Variants in RABGAP1L observed in about 807,000 individuals in gnomAD.
RABGAP1L encodes RAB GTPase activating protein 1 like.
In RABGAP1L, 63 loss-of-function variants were observed where a neutral mutation model predicts 137.7. The ratio of observed to expected loss-of-function variants is 0.46; its 90% CI spans 0.37 to 0.56. RABGAP1L has a LOEUF of 0.56. Ranked by LOEUF, RABGAP1L falls within the 20% of genes least tolerant of loss-of-function variation. The pLI, the probability that RABGAP1L is intolerant of heterozygous loss-of-function variation, is 0.00. For missense variants in RABGAP1L, 1,095 were observed against 1,244.0 expected, an observed-to-expected ratio of 0.88 and a Z score of 1.80; for synonymous variants, 431 against 433.7, an observed-to-expected ratio of 0.99 and a Z score of 0.08.
intron 12 of RABGAP1L, among the ~76,000 whole-genome samples, chr1:174,371,287 A>G (rs1445938462): frequency 1.3e-5 from 2 of 151,972 alleles, no homozygotes; most frequent in African/African-American, 4.8e-5. Flanking sequence ...GTTTTATTTA[A>G]CTTGCTTTTA....
At chr1:174,351,553 C>A (rs550919866) in intron 11 of RABGAP1L, among the ~76,000 whole-genome samples, 1 of 152,178 alleles carries the variant, frequency 6.6e-6, no homozygotes. Flanking sequence ...ATTGCAGCTC[C>A]ATTGTATGTT....
At chr1:174,749,455 A>G (rs1684164716) in intron 17 of RABGAP1L, among the ~76,000 whole-genome samples, 1 of 151,690 alleles carries the variant, frequency 6.6e-6, no homozygotes, top group Non-Finnish European at 1.5e-5. Flanking sequence ...TCAGCCTCCC[A>G]TGAAGCTGGG....
chr1:174,229,297 G>C (rs1670439576), intron 3 of RABGAP1L, among the ~76,000 whole-genome samples: 2 of 152,180 alleles, frequency 1.3e-5, no homozygotes, highest in Admixed American at 1.3e-4. Flanking sequence ...TTACAGTCAA[G>C]ATAAACTTTT....
chr1:174,646,864 G>T (rs146141163), intron 14 of RABGAP1L, among the ~76,000 whole-genome samples: 2,331 of 152,182 alleles, frequency 0.015, 30 homozygotes, highest in Non-Finnish European at 0.023. Flanking sequence ...TTTTCCATTT[G>T]TTTGTGTCCT....
chr1:174,497,936 CT>C (rs770164625), intron 13 of RABGAP1L, among the ~76,000 whole-genome samples: 10 of 152,198 alleles, frequency 6.6e-5, no homozygotes, highest in Non-Finnish European at 1.3e-4. Flanking sequence ...ATTTTACTGA[CT>C]GATTTTATCT....
intron 13 of RABGAP1L, among the ~76,000 whole-genome samples, chr1:174,609,760 T>G (rs936997657): frequency 6.6e-6 from 1 of 152,204 alleles, no homozygotes; most frequent in Admixed American, 6.5e-5. Flanking sequence ...AATTATGTAA[T>G]TCATCTGTCA....
At chr1:174,460,089 C>T (rs948585489) in intron 13 of RABGAP1L, among the ~76,000 whole-genome samples, 5 of 151,974 alleles carry the variant, frequency 3.3e-5, no homozygotes, top group Non-Finnish European at 5.9e-5. Context: ...ATTGTTTCCA[C>T]GTTTTTATAT....
chr1:174,656,070 A>C lies in RABGAP1L; in HGVS notation c.1824+18582A>C, dbSNP rs1244185776. On this transcript the variant is annotated intron_variant, in intron 14 of 25. Transcript: ENST00000681986. ...ATAGAACTAAGGAATCTATATGTAT[A>C]TACATATATGCATGTGTGTGTGCAT... Among the ~76,000 whole-genome samples the C allele has an allele frequency of 3.3e-5, 5 of 152,220 alleles. No homozygotes were observed. In the East Asian group the frequency reaches 9.6e-4, roughly 29 times the overall value.
In RABGAP1L at chr1:174,231,154, C is replaced by T; in HGVS notation, c.341C>T (p.Thr114Ile). ...TTTTTTGTTTCTTCAGAAATTTCTACACCCAGACCATCTTCTCCAGGTGGA... is the reference window on the plus strand; with the variant it reads ...TTTTTTGTTTCTTCAGAAATTTCTATACCCAGACCATCTTCTCCAGGTGGA... ...ILDPSNTEIS[T>I]PRPSSPGGLP... Residue 114 changes from threonine to isoleucine, a missense_variant, in exon 4 of 26, where the codon ACA (threonine) becomes ATA (isoleucine). This residue lies in a region of RABGAP1L where 356 missense variants were observed against 326.3 expected (regional missense o/e 1.09). Coordinates refer to ENST00000681986, the MANE Select transcript of RABGAP1L (RefSeq NM_001366446.1). 1 of 1,607,320 alleles carries T rather than the reference C, an allele frequency of 6.2e-7. No individual in the cohort carries two copies. Among genetic ancestry groups the T allele is most frequent in the Non-Finnish European group, 8.5e-7 (1 of 1,175,532 alleles).
intron 15 of RABGAP1L, among the ~76,000 whole-genome samples, chr1:174,686,025 T>C (rs920278445): frequency 6.6e-6 from 1 of 151,986 alleles, no homozygotes; most frequent in Non-Finnish European, 1.5e-5. Context: ...ATGAATAGAG[T>C]AAGAAGATTA....
intron 2 of RABGAP1L, among the ~76,000 whole-genome samples, chr1:174,220,393 G>A (rs1239039570): frequency 5.3e-5 from 8 of 152,146 alleles, no homozygotes; most frequent in Non-Finnish European, 1.0e-4. Flanking sequence ...AGGGCCAGGC[G>A]TGGTGGCTCA....
intron 13 of RABGAP1L, among the ~76,000 whole-genome samples, chr1:174,628,986 C>G (rs1028423166): frequency 6.6e-6 from 1 of 152,122 alleles, no homozygotes; most frequent in Admixed American, 6.5e-5. Context: ...AATTATTGAG[C>G]CTCTTTTTGT....
intron 17 of RABGAP1L, among the ~76,000 whole-genome samples, chr1:174,720,290 T>TAGATAGAG (rs368112419): frequency 7.1e-6 from 1 of 141,678 alleles, no homozygotes; most frequent in African/African-American, 2.8e-5. Context: ...GATAGATAGA[T>TAGATAGAG]AGACAGACAG....
intron 19 of RABGAP1L, among the ~76,000 whole-genome samples, chr1:174,863,455 CG>C: frequency 6.8e-6 from 1 of 146,822 alleles, no homozygotes; most frequent in Non-Finnish European, 1.5e-5. Context: ...GGGTGGATCA[CG>C]AGGTCAGGAG....
Position 174,636,527 on chromosome 1 carries a change from C to CA in RABGAP1L, c.1711-832dup, listed in dbSNP as rs11348226. Among the ~76,000 whole-genome samples, 1,012 of 135,278 alleles carry CA rather than the reference C, an allele frequency of 7.5e-3. 6 individuals are homozygous for CA. The highest frequency in any genetic ancestry group is 0.018 in the South Asian group (75 of 4,188). 88.7% of individuals were successfully genotyped at this position (135,278 alleles called of 152,430 possible). ...CGGGCAACAGTGTGAGACTCTACTT[C>CA]AAAAAAAAAAAAAAAAGAGATCATC... On this transcript the variant is annotated intron_variant, in intron 13 of 25. Coordinates refer to ENST00000681986, the MANE Select transcript of RABGAP1L (RefSeq NM_001366446.1).
chr1:174,619,256 C>CA (rs1672210419), intron 13 of RABGAP1L, among the ~76,000 whole-genome samples: 2 of 152,130 alleles, frequency 1.3e-5, no homozygotes, highest in Admixed American at 6.5e-5. Context: ...TCTAGCAAGG[C>CA]AGGCAACATT....
At chr1:174,864,508 G>A (rs1434028453) in intron 19 of RABGAP1L, among the ~76,000 whole-genome samples, 1 of 152,100 alleles carries the variant, frequency 6.6e-6, no homozygotes, top group African/African-American at 2.4e-5. Flanking sequence ...TTCTTCACAT[G>A]GTGGCAGGAA....
intron 13 of RABGAP1L, among the ~76,000 whole-genome samples, chr1:174,612,525 G>C (rs374074628): frequency 2.0e-5 from 3 of 152,002 alleles, no homozygotes; most frequent in African/African-American, 2.4e-5. Flanking sequence ...CTCTTTTTTG[G>C]TTGTGTCTCT....
chr1:174,718,837 CTTTTTT>C (rs11337437), intron 17 of RABGAP1L, among the ~76,000 whole-genome samples: 1 of 106,418 alleles, frequency 9.4e-6, no homozygotes. Context: ...TTTTCTTTTC[CTTTTTT>C]TTTTTTTTTT....
Sources: gnomAD v4.1 joint callset for allele counts (sites outside exome capture counted in the v4.1 genomes callset) on GRCh38, gnomAD v4.1.1 for gene constraint, gnomAD v4.1.1 regional missense constraint, MANE v1.5 for transcripts, NCBI Gene and HGNC (gene_info 2026-07-23, HGNC 2026-07-21) for gene names.